MATN2: variants seen among roughly 807,000 people sequenced by gnomAD.
MATN2 encodes the protein matrilin-2.
In MATN2, 69 loss-of-function variants were observed where a neutral mutation model predicts 103.2. That is an observed-to-expected ratio of 0.67 (90% CI 0.55 to 0.82). The LOEUF (loss-of-function observed/expected upper bound fraction) is 0.82. Ranked by LOEUF, MATN2 falls within the 40% of genes least tolerant of loss-of-function variation. The pLI is 0.00. For missense variants in MATN2, 1,023 were observed against 1,211.5 expected (o/e 0.84, Z 2.31); for synonymous variants, 429 against 450.2 (o/e 0.95, Z 0.60).
At chr8:97,904,790 G>T (rs1395859074) in intron 2 of MATN2, among the ~76,000 whole-genome samples, 1 of 151,884 alleles carries the variant, frequency 6.6e-6, no homozygotes, top group East Asian at 1.9e-4. Context: ...AGAGAGTTTA[G>T]AGATCATCTC....
intron 8 of MATN2, chr8:98,003,991 A>G: frequency 1.8e-6 from 1 of 563,114 alleles, no homozygotes; most frequent in East Asian, 3.5e-5. Context: ...AAGGATTAAA[A>G]GAATTAATAG....
intron 4 of MATN2, among the ~76,000 whole-genome samples, chr8:97,953,513 G>A (rs561102126): frequency 5.3e-5 from 8 of 152,272 alleles, no homozygotes; most frequent in Admixed American, 3.3e-4. Flanking sequence ...TTTGCTGAGC[G>A]TGGTGGCTCA....
intron 4 of MATN2, among the ~76,000 whole-genome samples, chr8:97,951,336 A>T (rs1810945442): frequency 2.0e-5 from 3 of 152,224 alleles, no homozygotes. Flanking sequence ...AATGCCAATT[A>T]TGAAAAAAAT....
chr8:97,959,251 T>C (rs1811233206), intron 4 of MATN2, among the ~76,000 whole-genome samples: 1 of 152,258 alleles, frequency 6.6e-6, no homozygotes, highest in Admixed American at 6.5e-5. Context: ...TAAAGGTTCA[T>C]GTTATTAACT....
intron 5 of MATN2, among the ~76,000 whole-genome samples, chr8:97,964,445 A>G (rs78941144): frequency 0.021 from 3,180 of 150,478 alleles, 126 homozygotes; most frequent in African/African-American, 0.073. Context: ...TGTTGGCCCA[A>G]TTCTTTTTTT....
chr8:97,994,886 A>G (rs1563714525), intron 7 of MATN2, among the ~76,000 whole-genome samples: 1 of 152,122 alleles, frequency 6.6e-6, no homozygotes, highest in Non-Finnish European at 1.5e-5. Flanking sequence ...CCTTATTCCC[A>G]TAGCATTGGG....
chr8:97,957,246 C>T (rs554354212), intron 4 of MATN2, among the ~76,000 whole-genome samples: 130 of 152,282 alleles, frequency 8.5e-4, no homozygotes, highest in African/African-American at 2.9e-3. Context: ...AGGGGGAGCT[C>T]TGGACACAGT....
At chr8:98,004,421 C>T (rs1489324342) in intron 8 of MATN2, 2 of 152,572 alleles carry the variant, frequency 1.3e-5, no homozygotes, top group African/African-American at 4.8e-5. Flanking sequence ...AATTTCAAAT[C>T]CAACCTCTCC....
intron 10 of MATN2, among the ~76,000 whole-genome samples, chr8:98,015,818 T>C (rs953794417): frequency 2.0e-5 from 3 of 152,232 alleles, no homozygotes; most frequent in Non-Finnish European, 4.4e-5. Flanking sequence ...GTTTCGTTCA[T>C]TGCTATATCC....
chr8:98,020,487 ACACT>A (rs767251618), intron 12 of MATN2, among the ~76,000 whole-genome samples: 22 of 152,134 alleles, frequency 1.4e-4, no homozygotes, highest in Non-Finnish European at 3.1e-4. Flanking sequence ...ACTCACACAC[ACACT>A]GTTTATTCAT....
intron 2 of MATN2, 24 bp downstream of exon 2, chr8:97,888,266 A>G: frequency 6.6e-7 from 1 of 1,509,792 alleles, no homozygotes; most frequent in East Asian, 2.4e-5. Context: ...CTCACCCCCA[A>G]AAGTGGGCAG....
chr8:97,942,442 T>G (rs1176704290), intron 4 of MATN2, among the ~76,000 whole-genome samples: 1 of 152,244 alleles, frequency 6.6e-6, no homozygotes, highest in Admixed American at 6.5e-5. Flanking sequence ...ACTCGCATTC[T>G]CTTTTTTGGC....
chr8:97,944,746 C>A (rs553906067), intron 4 of MATN2, among the ~76,000 whole-genome samples: 166 of 152,318 alleles, frequency 1.1e-3, no homozygotes, highest in Non-Finnish European at 1.9e-3. Flanking sequence ...CATCTACTGA[C>A]CCCTGCTGAT....
chr8:97,892,869 T>C (rs1818677406), intron 2 of MATN2, among the ~76,000 whole-genome samples: 1 of 152,112 alleles, frequency 6.6e-6, no homozygotes, highest in African/African-American at 2.4e-5. Context: ...TTTAAGAGAA[T>C]TGTTCCCAGT....
intron 6 of MATN2, among the ~76,000 whole-genome samples, chr8:97,980,569 T>C (rs900432096): frequency 1.4e-5 from 2 of 144,704 alleles, no homozygotes; most frequent in African/African-American, 5.2e-5. Context: ...TTTTTTTTTT[T>C]TTTTTTTTTT....
chr8:98,001,459 T>A (rs1398244048), intron 7 of MATN2, among the ~76,000 whole-genome samples: 1 of 131,478 alleles, frequency 7.6e-6, no homozygotes, highest in African/African-American at 3.0e-5. Flanking sequence ...TATACACTTT[T>A]GTCTTTTTTT....
chr8:97,999,551 C>T (rs13439751), intron 7 of MATN2, among the ~76,000 whole-genome samples: 3,847 of 152,250 alleles, frequency 0.025, 158 homozygotes, highest in African/African-American at 0.088. Flanking sequence ...GCCTATTTTC[C>T]TCCATCAAAG....
At chr8:97,925,836 C>T (rs1302072865) in intron 2 of MATN2, among the ~76,000 whole-genome samples, 3 of 152,164 alleles carry the variant, frequency 2.0e-5, no homozygotes. Flanking sequence ...TTACCCTTGT[C>T]ATGGAGATTC....
At chr8:97,969,946 C>A (rs1229556763) in intron 5 of MATN2, among the ~76,000 whole-genome samples, 1 of 152,188 alleles carries the variant, frequency 6.6e-6, no homozygotes, top group East Asian at 1.9e-4. Flanking sequence ...TTAAGCATGT[C>A]CAGCTGATGC....
Sources: gnomAD v4.1 joint callset for allele counts (sites outside exome capture counted in the v4.1 genomes callset) on GRCh38, gnomAD v4.1.1 for gene constraint, MANE v1.5 for transcripts, NCBI Gene and HGNC (gene_info 2026-07-23, HGNC 2026-07-21) for gene names.